The following TMEFF2 variants were observed in gnomAD, a reference collection of about 807,000 sequenced individuals.
The protein encoded by TMEFF2 is transmembrane protein with EGF like and two follistatin like domains 2, also known as tomoregulin-2.
TMEFF2 carries 28 observed loss-of-function variants against 53.8 expected under a neutral mutation model. That is an observed-to-expected ratio of 0.52 (90% CI 0.39 to 0.71). The LOEUF is 0.71. Ranked by LOEUF, TMEFF2 falls within the 30% of genes least tolerant of loss-of-function variation. TMEFF2 has a pLI of 0.00. For synonymous variants in TMEFF2, 162 were observed against 166.3 expected (o/e 0.97, Z 0.20); for missense variants, 353 against 455.2 (o/e 0.78, Z 2.04).
rs529893412 is a variant in TMEFF2 at position 192,037,277 on chromosome 2, G to T, written c.536+20402C>A. Among the ~76,000 whole-genome samples the T allele has an allele frequency of 7.9e-4, 76 of 95,790 alleles. 1 individual carries two copies. The highest frequency in any genetic ancestry group is 1.6e-3 in the East Asian group (6 of 3,848). 62.8% of individuals were successfully genotyped at this position (95,790 alleles called of 152,430 possible). A position where few individuals can be genotyped will look rare whatever the true frequency, so the allele number is the denominator to read the frequency against. On this transcript the variant is annotated intron_variant, in intron 5 of 9. Transcript: ENST00000272771. ...CACTTCTAAGACTAGCCAAAATAAA[G>T]AAAGAAAGAAAGAAAGAAAGAAAGA...
At chr2:192,193,277 A>G (rs527661589) in intron 1 of TMEFF2, among the ~76,000 whole-genome samples, 1 of 152,356 alleles carries the variant, frequency 6.6e-6, no homozygotes, top group East Asian at 1.9e-4. Flanking sequence ...CTAGGGGACA[A>G]TACCCAGGCA....
intron 4 of TMEFF2, among the ~76,000 whole-genome samples, chr2:192,088,125 G>C (rs938281348): frequency 1.3e-5 from 2 of 152,022 alleles, no homozygotes; most frequent in Non-Finnish European, 2.9e-5. Flanking sequence ...TCTTTGTAGG[G>C]CCTCTGAATA....
intron 5 of TMEFF2, chr2:192,029,094 A>G (rs1026418302): frequency 1.5e-5 from 2 of 129,506 alleles, no homozygotes; most frequent in South Asian, 2.8e-4. Flanking sequence ...TATAAAAATA[A>G]TACTCTGGCA....
At chr2:192,190,283 T>A (rs1574449700) in intron 2 of TMEFF2, among the ~76,000 whole-genome samples, 1 of 152,280 alleles carries the variant, frequency 6.6e-6, no homozygotes, top group South Asian at 2.1e-4. Flanking sequence ...GTTCATTTGA[T>A]ACTTTTTATG....
intron 7 of TMEFF2, among the ~76,000 whole-genome samples, chr2:191,982,840 G>C (rs1685886362): frequency 6.6e-6 from 1 of 152,084 alleles, no homozygotes; most frequent in Non-Finnish European, 1.5e-5. Flanking sequence ...TTGTTTATTT[G>C]TAAGGTGTGT....
At chr2:192,043,252 C>T (rs952751844) in intron 5 of TMEFF2, among the ~76,000 whole-genome samples, 1 of 152,136 alleles carries the variant, frequency 6.6e-6, no homozygotes, top group African/African-American at 2.4e-5. Context: ...AAACAAAAGT[C>T]TAGCCTACAT....
chr2:192,041,119 C>G (rs979929401), intron 5 of TMEFF2, among the ~76,000 whole-genome samples: 4 of 152,092 alleles, frequency 2.6e-5, no homozygotes, highest in Admixed American at 2.0e-4. Flanking sequence ...AATTGGAGTT[C>G]ATCAAAATTA....
chr2:191,965,987 TA>T (rs900037316), intron 7 of TMEFF2, among the ~76,000 whole-genome samples: 1 of 116,664 alleles, frequency 8.6e-6, no homozygotes, highest in Non-Finnish European at 2.0e-5. Context: ...ATATTTGATT[TA>T]AGAAAAAAAA....
At chr2:192,068,421 A>T (rs1559111974) in intron 4 of TMEFF2, among the ~76,000 whole-genome samples, 1 of 151,918 alleles carries the variant, frequency 6.6e-6, no homozygotes, top group Non-Finnish European at 1.5e-5. Context: ...TAAAAATATT[A>T]TGGAGCCTAT....
In TMEFF2 at chr2:192,079,855, T is replaced by C. The variant is rs969767615; in HGVS notation, c.440-22080A>G. Among the ~76,000 whole-genome samples the C allele has an allele frequency of 5.3e-5, 8 of 152,212 alleles. No individual in the cohort carries two copies. In the East Asian group the frequency reaches 5.8e-4, roughly 11 times the overall value. ...GTTGTGTAAATACAGCCTAGGAAGA[T>C]AGAAAAATATGTAAGCTTGAGTACC... is the stretch of plus-strand genomic sequence containing the variant. On this transcript the variant is annotated intron_variant, in intron 4 of 9. Coordinates refer to ENST00000272771, the MANE Select transcript of TMEFF2 (RefSeq NM_016192.4).
At chr2:192,081,800 CTTTTTT>C (rs900552541) in intron 4 of TMEFF2, among the ~76,000 whole-genome samples, 1 of 130,364 alleles carries the variant, frequency 7.7e-6, no homozygotes, top group Non-Finnish European at 1.6e-5. Context: ...AACGATTTCC[CTTTTTT>C]TTTTTTTTTT....
chr2:192,133,496 A>C (rs927760609), intron 4 of TMEFF2, among the ~76,000 whole-genome samples: 4 of 152,074 alleles, frequency 2.6e-5, no homozygotes, highest in African/African-American at 7.2e-5. Context: ...CTCTCCTTAC[A>C]ATTCCCCCAT....
chr2:192,054,913 A>T (rs1244148293), intron 5 of TMEFF2, among the ~76,000 whole-genome samples: 1 of 152,216 alleles, frequency 6.6e-6, no homozygotes, highest in Non-Finnish European at 1.5e-5. Flanking sequence ...CAGTATACAA[A>T]TGGATAAAAC....
chr2:192,163,590 A>G (rs928952756), intron 4 of TMEFF2, among the ~76,000 whole-genome samples: 5 of 152,356 alleles, frequency 3.3e-5, no homozygotes, highest in Admixed American at 6.5e-5. Context: ...AAAATCATCA[A>G]TATACTCAGG....
intron 4 of TMEFF2, among the ~76,000 whole-genome samples, chr2:192,111,034 C>T (rs151235803): frequency 1.3e-5 from 2 of 152,256 alleles, no homozygotes; most frequent in African/African-American, 4.8e-5. Flanking sequence ...ACTGTTAGTC[C>T]GTTAAATCTC....
chr2:192,061,390 ATAAT>A (rs775046712), intron 4 of TMEFF2, among the ~76,000 whole-genome samples: 81 of 152,282 alleles, frequency 5.3e-4, no homozygotes, highest in Non-Finnish European at 8.8e-4. Flanking sequence ...GAAATAAAAA[ATAAT>A]AAAAAAATAA....
chr2:192,043,526 C>T (rs1439123757), intron 5 of TMEFF2: 1 of 152,182 alleles, frequency 6.6e-6, no homozygotes, highest in Non-Finnish European at 1.5e-5. Context: ...ACAAAAGACC[C>T]AAAACATCAC....
At chr2:192,150,699 T>TC (rs1204034889) in intron 4 of TMEFF2, among the ~76,000 whole-genome samples, 10 of 150,602 alleles carry the variant, frequency 6.6e-5, no homozygotes, top group African/African-American at 2.4e-4. Context: ...CTTCATGTTT[T>TC]TTTTTTTTTT....
intron 4 of TMEFF2, among the ~76,000 whole-genome samples, chr2:192,167,729 G>A (rs1246939663): frequency 6.6e-6 from 1 of 152,138 alleles, no homozygotes; most frequent in Non-Finnish European, 1.5e-5. Flanking sequence ...GACAGGGGTA[G>A]GAGATCTGGC....
Sources: allele counts gnomAD v4.1 joint callset (sites outside exome capture counted in the v4.1 genomes callset), GRCh38; gene constraint gnomAD v4.1.1; transcripts MANE v1.5; gene names NCBI Gene and HGNC (gene_info 2026-07-23, HGNC 2026-07-21).